The following GPR137B variants were observed in gnomAD, a reference collection of about 807,000 sequenced individuals.
GPR137B encodes G protein-coupled receptor 137B, also known as integral membrane protein GPR137B.
In GPR137B, 42 loss-of-function variants were observed where a neutral mutation model predicts 42.5. The ratio of observed to expected loss-of-function variants is 0.99; its 90% CI spans 0.77 to 1.28. GPR137B has a LOEUF of 1.28. Among genes scored for constraint, GPR137B ranks in the 50% most tolerant of loss-of-function variants. The probability of loss-of-function intolerance (pLI) is 0.00; values close to 1 mark genes in which losing one functional copy is unlikely to be tolerated. For missense variants in GPR137B, 487 were observed against 493.9 expected (o/e 0.99, Z 0.13); for synonymous variants, 218 against 209.7 (o/e 1.04, Z -0.34).
intron 5 of GPR137B, among the ~76,000 whole-genome samples, chr1:236,199,326 C>T (rs915381240): frequency 2.0e-5 from 3 of 152,154 alleles, no homozygotes; most frequent in Non-Finnish European, 4.4e-5. Flanking sequence ...AGGATTTTTA[C>T]ATCTATGTTC....
chr1:236,188,529 C>T lies in GPR137B; in HGVS notation c.966+4623C>T, dbSNP rs150586990. Among the ~76,000 whole-genome samples the T allele has an allele frequency of 4.6e-3, 698 of 152,070 alleles. 5 individuals carry two copies. The highest frequency in any genetic ancestry group is 0.01 in the Middle Eastern group (3 of 294). ...GTTTATGGAGAGTTTTTACCATGAA[C>T]GGGTGTTGAATTTTGTCGAAGGTCT... On this transcript the variant is annotated intron_variant, in intron 5 of 6. Transcript: ENST00000366592.
rs948874654 is a variant in GPR137B, at chr1:236,148,486, A to G, written c.414+5450A>G. Among the ~76,000 whole-genome samples the G allele has an allele frequency of 2.6e-5, 4 of 152,152 alleles. No homozygotes were observed. The South Asian group carries it at 8.3e-4, about 32-fold the overall frequency. ...GACAAACTCCTGCCATTGCAGTCACATGGTTTGCGGAAGGAAATGGAGAAG... is the reference window on the plus strand; with the variant it reads ...GACAAACTCCTGCCATTGCAGTCACGTGGTTTGCGGAAGGAAATGGAGAAG... On this transcript the variant is annotated intron_variant, in intron 1 of 6. Coordinates refer to ENST00000366592, the MANE Select transcript of GPR137B (RefSeq NM_003272.4).
intron 1 of GPR137B, among the ~76,000 whole-genome samples, chr1:236,165,185 G>A (rs1662315943): frequency 1.3e-5 from 2 of 152,222 alleles, no homozygotes; most frequent in East Asian, 1.9e-4. Flanking sequence ...GATTACAGGC[G>A]TGAGCCACTG....
rs1405128961 is a variant in GPR137B, at chr1:236,151,417, C to CCTTTTTT, written c.414+8381_414+8382insCTTTTTT. Among the ~76,000 whole-genome samples the CCTTTTTT allele has an allele frequency of 5.5e-5, 7 of 126,568 alleles. 2 individuals carry two copies. Among genetic ancestry groups the CCTTTTTT allele is most frequent in the Non-Finnish European group, 4.8e-5 (3 of 62,720 alleles). The allele number at this position is 126,568 out of a possible 152,430, so 83.0% of individuals were successfully genotyped here. A position where few individuals can be genotyped will look rare whatever the true frequency, so the allele number is the denominator to read the frequency against. On this transcript the variant is annotated intron_variant, in intron 1 of 6. Transcript: ENST00000366592. ...CCACATATGGTCTCTGTTGCATATT[C>CCTTTTTT]ATTTTTTTTTTTTTTTTTTTTTTTT...
intron 5 of GPR137B, among the ~76,000 whole-genome samples, chr1:236,193,258 G>T (rs1663243345): frequency 6.6e-6 from 1 of 152,086 alleles, no homozygotes; most frequent in African/African-American, 2.4e-5. Context: ...CACATTTAAG[G>T]AAACCATTTG....
chr1:236,177,110 G>A (rs1363362849), intron 2 of GPR137B, among the ~76,000 whole-genome samples: 1 of 152,130 alleles, frequency 6.6e-6, no homozygotes, highest in African/African-American at 2.4e-5. Context: ...ACTGGGTTCT[G>A]AAAGTTATGT....
chr1:236,184,770 G>T (rs777016724), intron 5 of GPR137B, among the ~76,000 whole-genome samples: 35 of 150,660 alleles, frequency 2.3e-4, no homozygotes, highest in East Asian at 1.8e-3. Flanking sequence ...TTGCTTTTTG[G>T]TTTTTTTTTC....
chr1:236,205,358 A>AG, intron 6 of GPR137B, 108 bp downstream of exon 6: 1 of 881,720 alleles, frequency 1.1e-6, no homozygotes, highest in East Asian at 2.5e-5. Flanking sequence ...GTGCAGCCTT[A>AG]GGTGGTATAA....
rs767237270 is a variant in GPR137B, at chr1:236,178,473, C to T, written c.524C>T (p.Thr175Ile). The T allele has an allele frequency of 3.5e-5, 56 of 1,613,850 alleles. No individual in the cohort carries two copies. Among genetic ancestry groups the T allele is most frequent in the Non-Finnish European group, 4.7e-5 (56 of 1,179,998 alleles). Residue 175 changes from threonine (T) to isoleucine (I), a missense_variant, in exon 3 of 7, where the codon ACC becomes ATC. Physicochemically the swap from Thr to Ile is moderately conservative, Grantham distance 89. Transcript: ENST00000366592. ...CTTGTTTTCCTGTTGGTGAATTTAA[C>T]CTGTGCTGTGCTGGTAAAGACGGGA... ...ISLVFLLVNL[T>I]CAVLVKTGNW...
At chr1:236,167,221 TAAC>T (rs1240891935) in intron 1 of GPR137B, among the ~76,000 whole-genome samples, 1 of 152,220 alleles carries the variant, frequency 6.6e-6, no homozygotes, top group Non-Finnish European at 1.5e-5. Flanking sequence ...TCAAGCTAGT[TAAC>T]AACATATCCA....
intron 5 of GPR137B, among the ~76,000 whole-genome samples, chr1:236,204,089 C>CT (rs1168611029): frequency 6.6e-6 from 1 of 150,820 alleles, no homozygotes; most frequent in Non-Finnish European, 1.5e-5. Context: ...TATGTTTCTT[C>CT]TTTCCCCGGT....
chr1:236,179,846 A>G, intron 3 of GPR137B, 33 bp from the exon 4 acceptor site: 1 of 1,512,570 alleles, frequency 6.6e-7, no homozygotes, highest in Non-Finnish European at 8.9e-7. Flanking sequence ...TTGGACCTGG[A>G]GTGTCCCATA....
In GPR137B at chr1:236,208,081, C is replaced by G. The variant is rs1572016129; in HGVS notation, c.1123C>G (p.Gln375Glu). 1 of 1,613,218 alleles carries G rather than the reference C, an allele frequency of 6.2e-7. No individual in the cohort carries two copies. The highest frequency in any genetic ancestry group is 8.5e-7 in the Non-Finnish European group (1 of 1,179,416). The change falls in exon 7 of 7, where the codon CAA (glutamine) becomes GAA (glutamate). Residue 375 changes from glutamine to glutamate, a missense_variant. Transcript: ENST00000366592. ...FAPDYYDWGQ[Q>E]TNSFLAQAGT... The stretch of plus-strand genomic sequence containing the variant: ...TCCAGATTACTATGATTGGGGACAA[C>G]AAACTAACAGCTTCCTGGCACAAGC...
chr1:236,205,075 G>A (rs746912133), intron 5 of GPR137B, 51 bp from the exon 6 acceptor site: 11 of 1,519,750 alleles, frequency 7.2e-6, no homozygotes, highest in Non-Finnish European at 9.9e-6. Context: ...TTTTTGTCTG[G>A]TGCAAGGCAT....
intron 5 of GPR137B, among the ~76,000 whole-genome samples, chr1:236,191,974 T>C (rs1426412705): frequency 6.6e-6 from 1 of 152,156 alleles, no homozygotes; most frequent in East Asian, 1.9e-4. Context: ...GGGGGTTTTA[T>C]CTATAAGTCC....
intron 5 of GPR137B, among the ~76,000 whole-genome samples, chr1:236,200,871 T>G (rs953567662): frequency 1.3e-5 from 2 of 151,624 alleles, no homozygotes; most frequent in African/African-American, 4.9e-5. Context: ...GAGACTGTTT[T>G]ATTCATCATG....
chr1:236,205,113 C>A lies in GPR137B; in HGVS notation c.967-13C>A. The A allele has an allele frequency of 6.2e-7, 1 of 1,608,710 alleles. No homozygotes were observed. Among genetic ancestry groups the A allele is most frequent in the South Asian group, 1.1e-5 (1 of 90,678 alleles). On this transcript the variant is annotated splice_polypyrimidine_tract_variant and intron_variant, in intron 5 of 6. Transcript: ENST00000366592. ...TGTCTGTAAGTATGCTGAATGATTA[C>A]CTGTCTTTCTAGACCAACCCTGGAA... is the stretch of plus-strand genomic sequence containing the variant.
chr1:236,173,423 G>GA (rs1452546774), intron 2 of GPR137B, among the ~76,000 whole-genome samples: 2 of 150,600 alleles, frequency 1.3e-5, no homozygotes, highest in Admixed American at 1.3e-4. Context: ...AGAGAGGAAG[G>GA]AGGGAGGGAG....
chr1:236,175,741 C>T (rs1041145589), intron 2 of GPR137B, among the ~76,000 whole-genome samples: 1 of 152,136 alleles, frequency 6.6e-6, no homozygotes, highest in African/African-American at 2.4e-5. Context: ...AGGGGCTGCC[C>T]TCAAAGCTCC....
Sources: gnomAD v4.1 joint callset for allele counts (sites outside exome capture counted in the v4.1 genomes callset) on GRCh38, gnomAD v4.1.1 for gene constraint, MANE v1.5 for transcripts, NCBI Gene and HGNC (gene_info 2026-07-23, HGNC 2026-07-21) for gene names.